The following ZMAT4 variants were observed in gnomAD, a reference collection of about 807,000 sequenced individuals.
The protein encoded by ZMAT4 is zinc finger matrin-type protein 4.
ZMAT4 carries 17 observed loss-of-function variants against 28.7 expected under a neutral mutation model. The observed-to-expected ratio is 0.59, with a 90% confidence interval of 0.41 to 0.89. The LOEUF (loss-of-function observed/expected upper bound fraction) is 0.89. Ranked by LOEUF, ZMAT4 falls within the 40% of genes least tolerant of loss-of-function variation. The pLI is 0.00. For missense variants in ZMAT4, 240 were observed against 283.8 expected, an observed-to-expected ratio of 0.85 and a Z score of 1.11; for synonymous variants, 117 against 109.2, an observed-to-expected ratio of 1.07 and a Z score of -0.44.
chr8:40,558,825 T>G (rs994204525), intron 6 of ZMAT4, among the ~76,000 whole-genome samples: 1 of 151,978 alleles, frequency 6.6e-6, no homozygotes, highest in Non-Finnish European at 1.5e-5. Flanking sequence ...AGGTCAGATA[T>G]GCCTCATTAG....
At chr8:40,728,311 T>A (rs769130841) in intron 3 of ZMAT4, among the ~76,000 whole-genome samples, 1 of 152,238 alleles carries the variant, frequency 6.6e-6, no homozygotes, top group Non-Finnish European at 1.5e-5. Flanking sequence ...TGCTAACCAC[T>A]GAAACAAACA....
In ZMAT4 at chr8:40,868,180, T is replaced by C. The variant is rs867114087; in HGVS notation, c.-5+29503A>G. Reference sequence around the variant, plus strand: ...GCTCTGGTTTGCAAGTGTATTTACATGGAAAAAAAGCCATTTAGGTTTCCA... The same window carrying C: ...GCTCTGGTTTGCAAGTGTATTTACACGGAAAAAAAGCCATTTAGGTTTCCA... On this transcript the variant is annotated intron_variant, in intron 1 of 6. Coordinates refer to ENST00000297737, the MANE Select transcript of ZMAT4 (RefSeq NM_024645.3). Among the ~76,000 whole-genome samples the C allele has an allele frequency of 1.3e-5, 2 of 152,276 alleles. 1 individual carries two copies. The highest frequency in any genetic ancestry group is 6.8e-3 in the Middle Eastern group (2 of 294).
At chr8:40,850,697 A>C (rs1817071968) in intron 1 of ZMAT4, among the ~76,000 whole-genome samples, 1 of 152,144 alleles carries the variant, frequency 6.6e-6, no homozygotes, top group Admixed American at 6.5e-5. Flanking sequence ...ACACTCGTGC[A>C]TTTACAGATC....
intron 2 of ZMAT4, among the ~76,000 whole-genome samples, chr8:40,797,712 T>C (rs1193608268): frequency 6.6e-6 from 1 of 152,150 alleles, no homozygotes; most frequent in Non-Finnish European, 1.5e-5. Context: ...ACAGAAAGAT[T>C]GGTACAGCAC....
At chr8:40,688,767 T>C (rs1809532473) in intron 4 of ZMAT4, among the ~76,000 whole-genome samples, 1 of 152,236 alleles carries the variant, frequency 6.6e-6, no homozygotes, top group Non-Finnish European at 1.5e-5. Context: ...ACAATTTACA[T>C]AGCAGAGTAA....
In ZMAT4 at chr8:40,531,393, T is replaced by C. The variant is rs1242604601; in HGVS notation, c.*830A>G. On this transcript the variant is annotated 3_prime_UTR_variant, in exon 7 of 7. Coordinates refer to ENST00000297737, the MANE Select transcript of ZMAT4 (RefSeq NM_024645.3). ...AGCCCACAGTTCAGGCCAAACATCA[T>C]AAAAAAAAATACTTGTTTATTTCCA... is the stretch of plus-strand genomic sequence containing the variant. 2.6e-5 allele frequency: 4 copies of C among 151,286 alleles called. No homozygotes were observed. In the East Asian group the frequency reaches 5.8e-4, roughly 22 times the overall value. The allele number at this position is 151,286 out of a possible 1,614,324, so 9.4% of individuals were successfully genotyped here. A position where few individuals can be genotyped will look rare whatever the true frequency, so the allele number is the denominator to read the frequency against.
chr8:40,897,163 C>A (rs1400395704), intron 1 of ZMAT4, among the ~76,000 whole-genome samples: 4 of 152,046 alleles, frequency 2.6e-5, no homozygotes, highest in Admixed American at 2.0e-4. Flanking sequence ...ATGTCTCCTT[C>A]CACCAAATAA....
At chr8:40,744,103 A>G (rs1812124321) in intron 3 of ZMAT4, among the ~76,000 whole-genome samples, 1 of 152,198 alleles carries the variant, frequency 6.6e-6, no homozygotes, top group Admixed American at 6.5e-5. Flanking sequence ...CTAGAATGAG[A>G]TAACACAGGC....
rs190224849 is a variant in ZMAT4 at position 40,850,086 on chromosome 8, A to G, written c.-4-24406T>C. Among the ~76,000 whole-genome samples, 11 of 152,052 alleles carry G rather than the reference A, an allele frequency of 7.2e-5. No individual in the cohort carries two copies. In the East Asian group the frequency reaches 2.1e-3, roughly 29 times the overall value. On this transcript the variant is annotated intron_variant, in intron 1 of 6. Transcript: ENST00000297737. ...GTATGTTACCGTCCTCAGGCAGCAC[A>G]CCCAAGTCCTAAGCTGCCACTGTCT...
intron 1 of ZMAT4, among the ~76,000 whole-genome samples, chr8:40,890,693 T>C (rs922935603): frequency 6.6e-6 from 1 of 152,180 alleles, no homozygotes; most frequent in African/African-American, 2.4e-5. Context: ...CTCCTTCATG[T>C]GGCAGTGGCC....
chr8:40,818,178 T>G (rs1815617480), intron 2 of ZMAT4, among the ~76,000 whole-genome samples: 1 of 152,246 alleles, frequency 6.6e-6, no homozygotes, highest in Non-Finnish European at 1.5e-5. Flanking sequence ...TTACCAGCAA[T>G]TCACTTTGTG....
chr8:40,757,957 T>C (rs1439819891), intron 3 of ZMAT4, among the ~76,000 whole-genome samples: 1 of 152,088 alleles, frequency 6.6e-6, no homozygotes, highest in Admixed American at 6.5e-5. Flanking sequence ...GCCTAGTCTT[T>C]CTCCCATGCT....
intron 1 of ZMAT4, among the ~76,000 whole-genome samples, chr8:40,847,218 CAAAAA>C (rs3070386): frequency 8.3e-6 from 1 of 120,444 alleles, no homozygotes; most frequent in South Asian, 2.4e-4. Context: ...AACAAACAAA[CAAAAA>C]AAAAAAACTG....
At chr8:40,657,019 GTATT>G (rs1213829337) in intron 5 of ZMAT4, among the ~76,000 whole-genome samples, 3 of 152,090 alleles carry the variant, frequency 2.0e-5, no homozygotes, top group African/African-American at 4.8e-5. Flanking sequence ...TTATGTCTCA[GTATT>G]TATTTATTAT....
chr8:40,759,166 C>T (rs1180493578), intron 3 of ZMAT4, among the ~76,000 whole-genome samples: 2 of 151,332 alleles, frequency 1.3e-5, no homozygotes, highest in African/African-American at 2.4e-5. Context: ...CCTGTAATCC[C>T]AGATACTCAG....
intron 4 of ZMAT4, chr8:40,690,998 T>C: frequency 2.3e-6 from 2 of 881,032 alleles, no homozygotes; most frequent in Non-Finnish European, 2.7e-6. Flanking sequence ...TCTTTGTTGC[T>C]ACCAATCCAC....
intron 2 of ZMAT4, among the ~76,000 whole-genome samples, chr8:40,809,369 C>A (rs1815229407): frequency 6.6e-6 from 1 of 152,154 alleles, no homozygotes; most frequent in Non-Finnish European, 1.5e-5. Flanking sequence ...CTGTTGGGTT[C>A]TATGCTCACT....
chr8:40,760,993 C>A (rs187505723), intron 3 of ZMAT4, among the ~76,000 whole-genome samples: 2 of 149,454 alleles, frequency 1.3e-5, no homozygotes, highest in South Asian at 2.1e-4. Flanking sequence ...ATTGCTAGTT[C>A]GGAAATTAAC....
intron 6 of ZMAT4, among the ~76,000 whole-genome samples, chr8:40,564,441 A>AC (rs1334486204): frequency 2.6e-5 from 4 of 151,800 alleles, no homozygotes; most frequent in Non-Finnish European, 5.9e-5. Flanking sequence ...GTCTCGGGCC[A>AC]CCCCCCTCTA....
Sources: allele counts gnomAD v4.1 joint callset (sites outside exome capture counted in the v4.1 genomes callset), GRCh38; gene constraint gnomAD v4.1.1; transcripts MANE v1.5; gene names NCBI Gene and HGNC (gene_info 2026-07-23, HGNC 2026-07-21).